The following PTPN2 variants were observed in gnomAD, a reference collection of about 807,000 sequenced individuals.
The protein encoded by PTPN2 is tyrosine-protein phosphatase non-receptor type 2.
Under a neutral mutation model 57.3 loss-of-function variants are expected in PTPN2, and 19 were observed. The observed-to-expected ratio is 0.33, with a 90% CI of 0.23 to 0.49. The LOEUF (loss-of-function observed/expected upper bound fraction) is 0.49, where lower values mean the gene tolerates loss of function less well. PTPN2 is among the 20% of genes least tolerant of loss of function. PTPN2 has a pLI of 0.99. For synonymous variants in PTPN2, 153 were observed against 164.9 expected (o/e 0.93, Z 0.55); for missense variants, 358 against 501.1 (o/e 0.71, Z 2.73).
intron 3 of PTPN2, among the ~76,000 whole-genome samples, chr18:12,833,994 G>T (rs186757303): frequency 2.6e-5 from 4 of 152,116 alleles, no homozygotes; most frequent in Admixed American, 6.6e-5. Context: ...AATGGGCAGG[G>T]CTCCTTCAGG....
intron 6 of PTPN2, 80 bp downstream of exon 6, chr18:12,817,076 C>T (rs2079256939): frequency 7.6e-7 from 1 of 1,309,970 alleles, no homozygotes; most frequent in Non-Finnish European, 1.1e-6. Flanking sequence ...GATACAGCAT[C>T]AGAGTTTATT....
chr18:12,871,064 T>A (rs974881553), intron 1 of PTPN2, among the ~76,000 whole-genome samples: 44 of 152,110 alleles, frequency 2.9e-4, no homozygotes, highest in African/African-American at 9.9e-4. Context: ...CAAGTATCCA[T>A]CCCACCCTCA....
chr18:12,813,240 A>G (rs2041957479), intron 7 of PTPN2, among the ~76,000 whole-genome samples: 1 of 152,138 alleles, frequency 6.6e-6, no homozygotes, highest in Non-Finnish European at 1.5e-5. Context: ...CCTAATCTTA[A>G]ACATCTGAAA....
rs116777355 is a variant in PTPN2, at chr18:12,808,248, C to T, written c.858+5955G>A. On this transcript the variant is annotated intron_variant, in intron 7 of 8. Transcript: ENST00000309660. ...ATAAAATCCTCTCTTCTGGCTATTT[C>T]GAAATACTTATATATACTTATATAT... Among the ~76,000 whole-genome samples, 607 of 151,792 alleles carry T rather than the reference C, an allele frequency of 4.0e-3. 5 individuals carry two copies. Among genetic ancestry groups the T allele is most frequent in the African/African-American group, 0.014 (563 of 41,362 alleles).
intron 2 of PTPN2, among the ~76,000 whole-genome samples, chr18:12,854,087 G>A (rs978243018): frequency 1.3e-5 from 2 of 152,092 alleles, no homozygotes; most frequent in African/African-American, 2.4e-5. Context: ...GGCTGAGCAC[G>A]GTGCCTCACA....
In PTPN2 at chr18:12,882,888, G is replaced by A. The variant is rs1598910213; in HGVS notation, c.69+1185C>T. 3.9e-5 allele frequency among the ~76,000 whole-genome samples: 6 copies of A among 152,194 alleles called. 1 individual carries two copies. Among genetic ancestry groups the A allele is most frequent in the Admixed American group, 3.9e-4 (6 of 15,272 alleles). ...TTTACACAGAGAGAACCAAACATCA[G>A]AAGCAGCATTAACTTAACCGTCACC... is the stretch of plus-strand genomic sequence containing the variant. On this transcript the variant is annotated intron_variant, in intron 1 of 8. Transcript: ENST00000309660.
chr18:12,819,202 A>G, intron 5 of PTPN2: 1 of 1,313,034 alleles, frequency 7.6e-7, no homozygotes, highest in Non-Finnish European at 1.0e-6. Context: ...AAATTTTCTA[A>G]AAAGTACATA....
At chr18:12,877,891 G>C (rs574165218) in intron 1 of PTPN2, among the ~76,000 whole-genome samples, 78 of 152,128 alleles carry the variant, frequency 5.1e-4, no homozygotes, top group Non-Finnish European at 9.0e-4. Flanking sequence ...GGCGCCTGTA[G>C]TGTTGGCGGG....
chr18:12,809,503 G>C (rs749784462), intron 7 of PTPN2, among the ~76,000 whole-genome samples: 1 of 152,178 alleles, frequency 6.6e-6, no homozygotes, highest in Non-Finnish European at 1.5e-5. Flanking sequence ...TCTGCCAGTG[G>C]CAAGTGGTAG....
intron 3 of PTPN2, among the ~76,000 whole-genome samples, chr18:12,831,873 T>C (rs577963449): frequency 2.0e-5 from 3 of 152,344 alleles, no homozygotes; most frequent in Non-Finnish European, 4.4e-5. Context: ...ATTTTAATGA[T>C]AGCATAGGGC....
At chr18:12,857,101 A>G (rs1291081203) in intron 2 of PTPN2, among the ~76,000 whole-genome samples, 1 of 152,036 alleles carries the variant, frequency 6.6e-6, no homozygotes, top group Non-Finnish European at 1.5e-5. Flanking sequence ...TCAATTCGAT[A>G]AAACTAATTA....
intron 1 of PTPN2, among the ~76,000 whole-genome samples, chr18:12,860,693 C>T (rs1026814233): frequency 6.6e-6 from 1 of 152,128 alleles, no homozygotes; most frequent in Non-Finnish European, 1.5e-5. Flanking sequence ...ACCCAGGAGG[C>T]GGAGGCTGCA....
At chr18:12,873,013 G>A (rs933564478) in intron 1 of PTPN2, among the ~76,000 whole-genome samples, 3 of 152,268 alleles carry the variant, frequency 2.0e-5, no homozygotes, top group Non-Finnish European at 2.9e-5. Context: ...CTGAGGTCAG[G>A]AGTTCAAGAC....
At chr18:12,814,872 C>A (rs1254811690) in intron 6 of PTPN2, among the ~76,000 whole-genome samples, 1 of 151,446 alleles carries the variant, frequency 6.6e-6, no homozygotes, top group African/African-American at 2.4e-5. Context: ...TCACTTGAGG[C>A]CAGGAGCTAG....
chr18:12,881,553 C>G (rs1402106209), intron 1 of PTPN2, among the ~76,000 whole-genome samples: 1 of 152,226 alleles, frequency 6.6e-6, no homozygotes, highest in Non-Finnish European at 1.5e-5. Context: ...TCTCCAGCAT[C>G]TCAACTTCAC....
At chr18:12,814,586 T>G (rs2042002623) in intron 6 of PTPN2, among the ~76,000 whole-genome samples, 1 of 152,222 alleles carries the variant, frequency 6.6e-6, no homozygotes, top group Non-Finnish European at 1.5e-5. Flanking sequence ...TTTAGCTGAT[T>G]CACAACTGAT....
At chr18:12,849,864 C>T (rs2043335489) in intron 2 of PTPN2, among the ~76,000 whole-genome samples, 1 of 151,964 alleles carries the variant, frequency 6.6e-6, no homozygotes, top group African/African-American at 2.4e-5. Flanking sequence ...GGAATCTGTT[C>T]CATTTTTTCT....
At chr18:12,810,861 G>C (rs183498578) in intron 7 of PTPN2, among the ~76,000 whole-genome samples, 2 of 152,132 alleles carry the variant, frequency 1.3e-5, no homozygotes, top group African/African-American at 2.4e-5. Context: ...CCATGTCCCC[G>C]AAAGAATACT....
At chr18:12,814,478 A>C in intron 6 of PTPN2, 123 bp from the exon 7 acceptor site, 1 of 794,510 alleles carries the variant, frequency 1.3e-6, no homozygotes, top group Non-Finnish European at 1.9e-6. Flanking sequence ...ACGATAATTT[A>C]ACCCTCCAGC....
Sources: gnomAD v4.1 joint callset for allele counts (sites outside exome capture counted in the v4.1 genomes callset) on GRCh38, gnomAD v4.1.1 for gene constraint, MANE v1.5 for transcripts, NCBI Gene and HGNC (gene_info 2026-07-23, HGNC 2026-07-21) for gene names.